The following RBFOX1 variants were observed in gnomAD, a reference collection of about 807,000 sequenced individuals.
The protein encoded by RBFOX1 is RNA binding protein fox-1 homolog 1.
RBFOX1 carries 8 observed loss-of-function variants against 57.7 expected under a neutral mutation model. The ratio of observed to expected loss-of-function variants is 0.14; its 90% confidence interval spans 0.08 to 0.25. The LOEUF is 0.25. RBFOX1 is among the 10% of genes least tolerant of loss of function. The pLI, the probability that RBFOX1 is intolerant of heterozygous loss-of-function variation, is 1.00. For missense variants in RBFOX1, 611 were observed against 548.5 expected, an observed-to-expected ratio of 1.11 and a Z score of -1.14; for synonymous variants, 326 against 222.4, an observed-to-expected ratio of 1.47 and a Z score of -4.15.
At chr16:7,705,790 TTGA>T (rs1234710910) in intron 14 of RBFOX1, among the ~76,000 whole-genome samples, 2 of 152,176 alleles carry the variant, frequency 1.3e-5, no homozygotes, top group Non-Finnish European at 2.9e-5. Context: ...TGAGTTGGTG[TTGA>T]TGAACTAGTG....
intron 1 of RBFOX1, among the ~76,000 whole-genome samples, chr16:5,337,758 A>G (rs2064934769): frequency 6.6e-6 from 1 of 152,214 alleles, no homozygotes; most frequent in South Asian, 2.1e-4. Flanking sequence ...GTGGCCATTG[A>G]CTGAAGGTAG....
intron 2 of RBFOX1, among the ~76,000 whole-genome samples, chr16:6,536,741 A>G (rs2096740804): frequency 6.6e-6 from 1 of 152,116 alleles, no homozygotes; most frequent in African/African-American, 2.4e-5. Context: ...TTCTAAGTGG[A>G]AAGGTTTTAA....
intron 1 of RBFOX1, among the ~76,000 whole-genome samples, chr16:5,398,401 A>T (rs2066622854): frequency 6.6e-6 from 1 of 151,620 alleles, no homozygotes; most frequent in South Asian, 2.1e-4. Flanking sequence ...GTGAGGGTGC[A>T]TGTGTGTGAT....
chr16:5,904,713 C>T lies in RBFOX1; in HGVS notation c.351+37378C>T, dbSNP rs143440231. ...ATCAGATGGGCCGGGCACAGTGTCT[C>T]GCGCCTGTAATCCCAGCACTTTGGG... On this transcript the variant is annotated intron_variant, in intron 4 of 19. Transcript: ENST00000641259. Among the ~76,000 whole-genome samples, 337 of 152,116 alleles carry T rather than the reference C, an allele frequency of 2.2e-3. 2 individuals carry two copies. Among genetic ancestry groups the T allele is most frequent in the African/African-American group, 7.4e-3 (309 of 41,532 alleles).
chr16:5,674,662 T>G (rs1320492878), intron 3 of RBFOX1, among the ~76,000 whole-genome samples: 1 of 152,202 alleles, frequency 6.6e-6, no homozygotes, highest in African/African-American at 2.4e-5. Context: ...TTTTAATTAT[T>G]TTTGCACCAA....
intron 1 of RBFOX1, among the ~76,000 whole-genome samples, chr16:6,185,793 G>A (rs1477667829): frequency 6.6e-6 from 1 of 152,192 alleles, no homozygotes; most frequent in East Asian, 1.9e-4. Context: ...TTAAAAGTCT[G>A]TGATAATGAC....
intron 4 of RBFOX1, among the ~76,000 whole-genome samples, chr16:7,202,686 C>A (rs1051905592): frequency 7.2e-5 from 11 of 152,184 alleles, no homozygotes; most frequent in Admixed American, 7.2e-4. Flanking sequence ...CACAGCAGCA[C>A]AAACTCTTTT....
chr16:6,796,775 T>C (rs2084157961), intron 3 of RBFOX1, among the ~76,000 whole-genome samples: 2 of 152,218 alleles, frequency 1.3e-5, no homozygotes, highest in Admixed American at 1.3e-4. Context: ...ACATCTGCCT[T>C]CCAACTTCTT....
chr16:5,412,756 CAG>C (rs752672291), intron 1 of RBFOX1, among the ~76,000 whole-genome samples: 1 of 152,248 alleles, frequency 6.6e-6, no homozygotes, highest in Non-Finnish European at 1.5e-5. Flanking sequence ...AAATCAAGCA[CAG>C]GGAGGCTAAT....
At position 5,599,020 on chromosome 16, in the gene RBFOX1, C is replaced by A; in HGVS notation, c.377C>A (p.Ser126Ter). The A allele has an allele frequency of 7.2e-7, 1 of 1,388,112 alleles. No individual in the cohort carries two copies. The highest frequency in any genetic ancestry group is 9.9e-7 in the Non-Finnish European group (1 of 1,012,252). The allele number at this position is 1,388,112 out of a possible 1,614,324, so 86.0% of individuals were successfully genotyped here. Residue 126 changes from serine to a stop codon, truncating the protein, a stop_gained, in exon 3 of 3, where the codon TCA becomes TAA. Coordinates refer to the RBFOX1 transcript ENST00000585867. LOFTEE classifies it low-confidence loss of function (END_TRUNC). The stretch of plus-strand genomic sequence containing the variant: ...TTTGAAACTACTTTTGCATCCTTTT[C>A]AGCCTCTTTGGTCTCCGTCATCAAT...
chr16:6,373,298 T>C (rs1600250590), intron 2 of RBFOX1, among the ~76,000 whole-genome samples: 1 of 151,784 alleles, frequency 6.6e-6, no homozygotes, highest in Non-Finnish European at 1.5e-5. Context: ...GGGAGGATGG[T>C]TGGTAAGGAT....
At chr16:6,809,086 C>G (rs1454310987) in intron 3 of RBFOX1, among the ~76,000 whole-genome samples, 2 of 152,146 alleles carry the variant, frequency 1.3e-5, no homozygotes, top group Non-Finnish European at 2.9e-5. Context: ...CACCCATAGA[C>G]TGCTAAGTGT....
chr16:6,139,430 C>T (rs565839698), intron 1 of RBFOX1, among the ~76,000 whole-genome samples: 1 of 152,242 alleles, frequency 6.6e-6, no homozygotes, highest in South Asian at 2.1e-4. Flanking sequence ...TTTTGACCAC[C>T]CGCTGCAAGA....
At chr16:6,957,492 C>T (rs142076857) in intron 3 of RBFOX1, among the ~76,000 whole-genome samples, 3 of 152,122 alleles carry the variant, frequency 2.0e-5, no homozygotes, top group Non-Finnish European at 2.9e-5. Flanking sequence ...CCTGACGTTG[C>T]CATGGCATTT....
At chr16:7,460,447 G>C (rs1408814750) in intron 4 of RBFOX1, among the ~76,000 whole-genome samples, 1 of 142,844 alleles carries the variant, frequency 7.0e-6, no homozygotes, top group Non-Finnish European at 1.5e-5. Context: ...ATATATGTAT[G>C]TGTGTATATA....
chr16:6,340,555 T>C (rs1170095425), intron 2 of RBFOX1, among the ~76,000 whole-genome samples: 1 of 152,252 alleles, frequency 6.6e-6, no homozygotes, highest in African/African-American at 2.4e-5. Context: ...CTTCCCTTTT[T>C]AGACCATGTA....
Position 5,533,365 on chromosome 16 carries a change from C to T in RBFOX1, c.259-65537C>T, listed in dbSNP as rs566524317. Among the ~76,000 whole-genome samples the T allele has an allele frequency of 2.5e-4, 38 of 152,252 alleles. No homozygotes were observed. The South Asian group carries it at 7.1e-3, about 28-fold the overall frequency. Reference sequence around the variant, plus strand: ...AGGAAAGGTGCCCCCAATAAATATTCCTGACGGCAGAGATAAGAAGTAATC... The same window carrying T: ...AGGAAAGGTGCCCCCAATAAATATTTCTGACGGCAGAGATAAGAAGTAATC... On this transcript the variant is annotated intron_variant, in intron 2 of 2. Coordinates refer to the RBFOX1 transcript ENST00000585867.
chr16:7,407,539 G>A (rs1481610286), intron 4 of RBFOX1, among the ~76,000 whole-genome samples: 1 of 152,102 alleles, frequency 6.6e-6, no homozygotes, highest in East Asian at 1.9e-4. Flanking sequence ...CTGGTAAGTG[G>A]GGTGGTAGGG....
At chr16:5,651,281 G>T (rs905436216) in intron 3 of RBFOX1, among the ~76,000 whole-genome samples, 3 of 151,934 alleles carry the variant, frequency 2.0e-5, no homozygotes, top group Non-Finnish European at 2.9e-5. Flanking sequence ...TGGAACTCCT[G>T]GCCTCACGTG....
Sources: allele counts gnomAD v4.1 joint callset (sites outside exome capture counted in the v4.1 genomes callset), GRCh38; gene constraint gnomAD v4.1.1; transcripts MANE v1.5; gene names NCBI Gene and HGNC (gene_info 2026-07-23, HGNC 2026-07-21).